CACNA1D: variants seen among roughly 807,000 people sequenced by gnomAD.
The protein encoded by CACNA1D is calcium voltage-gated channel subunit alpha1 D.
Under a neutral mutation model 257.1 loss-of-function variants are expected in CACNA1D, and 55 were observed. The observed-to-expected ratio is 0.21, with a 90% CI of 0.17 to 0.27. The LOEUF (loss-of-function observed/expected upper bound fraction) is 0.27. Among genes scored for constraint, CACNA1D ranks in the 10% least tolerant of loss-of-function variants. The probability of loss-of-function intolerance (pLI) is 1.00; values close to 1 mark genes in which losing one functional copy is unlikely to be tolerated. For synonymous variants in CACNA1D, 980 were observed against 1,014.9 expected, an observed-to-expected ratio of 0.97 and a Z score of 0.65; for missense variants, 1,876 against 2,784.0, an observed-to-expected ratio of 0.67 and a Z score of 7.34.
rs572562174 is a variant in CACNA1D, at chr3:53,550,705, A to G, written c.483+48985A>G. Among the ~76,000 whole-genome samples, 13 of 152,264 alleles carry G rather than the reference A, an allele frequency of 8.5e-5. No individual in the cohort carries two copies. The East Asian group carries it at 2.5e-3, about 29-fold the overall frequency. On this transcript the variant is annotated intron_variant, in intron 3 of 47. Coordinates refer to ENST00000350061, the MANE Select transcript of CACNA1D (RefSeq NM_001128840.3). ...CTTGCTGTCTTCATTTTATTGCTCC[A>G]TATCTGAGGAAAACCATGTGAAAAA...
At chr3:53,548,946 A>G (rs567947991) in intron 3 of CACNA1D, among the ~76,000 whole-genome samples, 73 of 152,258 alleles carry the variant, frequency 4.8e-4, no homozygotes, top group African/African-American at 1.5e-3. Flanking sequence ...GGGGACTTCT[A>G]TTGTACTTGT....
intron 3 of CACNA1D, among the ~76,000 whole-genome samples, chr3:53,550,370 G>C (rs1448234785): frequency 6.6e-6 from 1 of 152,130 alleles, no homozygotes; most frequent in African/African-American, 2.4e-5. Flanking sequence ...ATCAACCCAG[G>C]TCTAGGTCTC....
chr3:53,544,420 G>C (rs1306012445), intron 3 of CACNA1D, among the ~76,000 whole-genome samples: 2 of 152,126 alleles, frequency 1.3e-5, no homozygotes, highest in Non-Finnish European at 2.9e-5. Context: ...GGCTTCCTGA[G>C]ACAGAGGGGA....
intron 3 of CACNA1D, among the ~76,000 whole-genome samples, chr3:53,618,584 C>T (rs1164412461): frequency 1.3e-5 from 2 of 152,224 alleles, no homozygotes; most frequent in East Asian, 3.8e-4. Flanking sequence ...AGCCAGAACC[C>T]ACCCGCTTCT....
At chr3:53,577,509 C>CT (rs1275746918) in intron 3 of CACNA1D, among the ~76,000 whole-genome samples, 4 of 152,194 alleles carry the variant, frequency 2.6e-5, no homozygotes, top group Non-Finnish European at 5.9e-5. Flanking sequence ...ATGGAGGTAT[C>CT]TAAGTGCTTG....
At chr3:53,749,183 G>T in intron 26 of CACNA1D, 85 bp from the exon 27 acceptor site, 2 of 929,502 alleles carry the variant, frequency 2.2e-6, no homozygotes, top group South Asian at 1.4e-5. Context: ...AGGAGTTCTG[G>T]AGAGGGAGGA....
intron 3 of CACNA1D, among the ~76,000 whole-genome samples, chr3:53,628,761 A>G (rs2093788556): frequency 6.6e-6 from 1 of 152,226 alleles, no homozygotes; most frequent in Non-Finnish European, 1.5e-5. Context: ...CAGTGCCTGC[A>G]AGTCTTGACA....
intron 3 of CACNA1D, among the ~76,000 whole-genome samples, chr3:53,537,080 A>G (rs937672029): frequency 6.6e-6 from 1 of 152,202 alleles, no homozygotes; most frequent in African/African-American, 2.4e-5. Flanking sequence ...GCACATGCTA[A>G]TTTTATTTCA....
intron 3 of CACNA1D, among the ~76,000 whole-genome samples, chr3:53,616,250 T>A (rs902662642): frequency 2.0e-5 from 3 of 152,222 alleles, no homozygotes; most frequent in Admixed American, 2.0e-4. Flanking sequence ...ACTTTGAACC[T>A]ACCTGGAGCT....
intron 3 of CACNA1D, among the ~76,000 whole-genome samples, chr3:53,559,085 C>T (rs1185714112): frequency 1.3e-5 from 2 of 152,136 alleles, no homozygotes; most frequent in Non-Finnish European, 1.5e-5. Flanking sequence ...TCATGTTTTA[C>T]ATTAGATAAT....
intron 9 of CACNA1D, among the ~76,000 whole-genome samples, chr3:53,706,535 C>T (rs115582196): frequency 0.014 from 2,179 of 152,260 alleles, 57 homozygotes; most frequent in African/African-American, 0.049. Flanking sequence ...GACAATTGAA[C>T]GTTCTGTGAC....
chr3:53,658,350 T>C, intron 4 of CACNA1D, among the ~76,000 whole-genome samples: 1 of 152,196 alleles, frequency 6.6e-6, no homozygotes, highest in East Asian at 1.9e-4. Context: ...ATCTCATAAC[T>C]CTTAGGAGTG....
chr3:53,769,290 G>A (rs1421007479), intron 30 of CACNA1D, among the ~76,000 whole-genome samples: 1 of 152,164 alleles, frequency 6.6e-6, no homozygotes, highest in African/African-American at 2.4e-5. Context: ...GAACCACAGG[G>A]GAGCTGGTCC....
chr3:53,709,210 G>A (rs1000359976), intron 9 of CACNA1D, among the ~76,000 whole-genome samples: 1 of 152,174 alleles, frequency 6.6e-6, no homozygotes, highest in Admixed American at 6.5e-5. Flanking sequence ...CATTTGTCAG[G>A]TGCTTTCTGT....
intron 8 of CACNA1D, among the ~76,000 whole-genome samples, chr3:53,690,357 A>G (rs1185310032): frequency 6.6e-6 from 1 of 152,238 alleles, no homozygotes; most frequent in Non-Finnish European, 1.5e-5. Context: ...TGAGTGGAAC[A>G]ATGGGATACA....
intron 8 of CACNA1D, among the ~76,000 whole-genome samples, chr3:53,682,390 A>AC (rs1186484409): frequency 7.5e-6 from 1 of 133,482 alleles, no homozygotes; most frequent in Non-Finnish European, 1.6e-5. Context: ...AAAAAAAAAA[A>AC]AAAAAACAGA....
chr3:53,514,653 C>T (rs2091263471), intron 3 of CACNA1D, among the ~76,000 whole-genome samples: 1 of 152,132 alleles, frequency 6.6e-6, no homozygotes, highest in Non-Finnish European at 1.5e-5. Context: ...GGGCTTCAGC[C>T]TCACAGCAGT....
At chr3:53,703,310 C>T (rs756630874) in intron 9 of CACNA1D, among the ~76,000 whole-genome samples, 3 of 152,134 alleles carry the variant, frequency 2.0e-5, no homozygotes, top group Admixed American at 6.5e-5. Flanking sequence ...GGGAGGAAAC[C>T]GGCTCACCAT....
In CACNA1D at chr3:53,810,171, G is replaced by A. The variant is rs1449956778; in HGVS notation, c.6065G>A (p.Ser2022Asn). 1.2e-6 allele frequency: 2 copies of A among 1,613,980 alleles called. No homozygotes were observed. Among genetic ancestry groups the A allele is most frequent in the Admixed American group, 3.3e-5 (2 of 60,024 alleles). The change falls in exon 47 of 48, where the codon AGC becomes AAC. Residue 2022 changes from serine to asparagine, a missense_variant. Around this residue, in one of 10 missense-constraint regions of CACNA1D, gnomAD observed 491 missense variants for 554.3 expected, o/e 0.89. Transcript: ENST00000350061. ...VNGSLPSLHR[S>N]SWYTDEPDIS... is the part of the protein sequence containing the mutation. ...GGCAGCCTGCCGTCCCTGCACCGCAGCTCCTGGTACACAGACGAGCCCGAC... is the reference window on the plus strand; with the variant it reads ...GGCAGCCTGCCGTCCCTGCACCGCAACTCCTGGTACACAGACGAGCCCGAC...
Sources: gnomAD v4.1 joint callset for allele counts (sites outside exome capture counted in the v4.1 genomes callset) on GRCh38, gnomAD v4.1.1 for gene constraint, gnomAD v4.1.1 regional missense constraint, MANE v1.5 for transcripts, NCBI Gene and HGNC (gene_info 2026-07-23, HGNC 2026-07-21) for gene names.